The following WARS2 variants were observed in gnomAD, a reference collection of about 807,000 sequenced individuals.
The protein encoded by WARS2 is tryptophanyl tRNA synthetase 2, mitochondrial.
In WARS2, 28 loss-of-function variants were observed where a neutral mutation model predicts 36.5. The observed-to-expected ratio is 0.77, with a 90% CI of 0.57 to 1.05. The LOEUF is 1.05. Ranked by LOEUF, WARS2 falls within the 50% of genes least tolerant of loss-of-function variation. WARS2 has a pLI of 0.00. For missense variants in WARS2, 435 were observed against 456.8 expected (o/e 0.95, Z 0.44); for synonymous variants, 174 against 178.4 (o/e 0.98, Z 0.20).
At chr1:119,105,742 T>C (rs893016455) in intron 1 of WARS2, among the ~76,000 whole-genome samples, 3 of 152,244 alleles carry the variant, frequency 2.0e-5, no homozygotes, top group Admixed American at 6.5e-5. Context: ...CGAAACCCTG[T>C]CTCTACTAAA....
At chr1:119,052,234 ATC>A (rs959363784) in intron 2 of WARS2, among the ~76,000 whole-genome samples, 1 of 152,178 alleles carries the variant, frequency 6.6e-6, no homozygotes, top group African/African-American at 2.4e-5. Context: ...CCTGGATCAA[ATC>A]TCTGTGTCCC....
chr1:119,042,482 G>C (rs1648457987), intron 3 of WARS2, 133 bp from the exon 4 acceptor site: 4 of 734,578 alleles, frequency 5.4e-6, no homozygotes, highest in South Asian at 1.8e-5. Flanking sequence ...TTATACATCG[G>C]TTCCTTTTTA....
At chr1:119,078,973 T>C (rs185882992) in intron 1 of WARS2, among the ~76,000 whole-genome samples, 4 of 151,806 alleles carry the variant, frequency 2.6e-5, no homozygotes, top group Admixed American at 2.0e-4. Context: ...CATATGCATA[T>C]ACAAAATGTG....
At chr1:119,042,201 T>C in intron 4 of WARS2, 63 bp downstream of exon 4, 3 of 1,504,282 alleles carry the variant, frequency 2.0e-6, no homozygotes, top group South Asian at 2.3e-5. Flanking sequence ...CTGTATTGAA[T>C]AGGTTAAAAC....
chr1:119,040,341 T>C lies in WARS2; in HGVS notation c.515+1923A>G, dbSNP rs543242586. ...CCTTCCCATCCTTTGCTTCATGGTA[T>C]CATTAAGAATGTAGTCATTCTTGTT... On this transcript the variant is annotated intron_variant, in intron 4 of 5. Transcript: ENST00000235521. Among the ~76,000 whole-genome samples the C allele has an allele frequency of 6.6e-5, 10 of 152,326 alleles. No homozygotes were observed. The South Asian group carries it at 2.1e-3, about 32-fold the overall frequency.
intron 2 of WARS2, among the ~76,000 whole-genome samples, chr1:119,047,099 T>C (rs1255164392): frequency 3.3e-5 from 5 of 152,182 alleles, no homozygotes; most frequent in Non-Finnish European, 4.4e-5. Context: ...GGCAGTGACA[T>C]TGACACACTG....
At chr1:119,090,045 T>C (rs587705783) in intron 1 of WARS2, among the ~76,000 whole-genome samples, 6 of 151,958 alleles carry the variant, frequency 3.9e-5, no homozygotes, top group African/African-American at 1.5e-4. Flanking sequence ...GACAGGATGA[T>C]CTGTGTAGCA....
chr1:119,054,853 A>G (rs1649643041), intron 2 of WARS2, among the ~76,000 whole-genome samples: 1 of 152,216 alleles, frequency 6.6e-6, no homozygotes, highest in African/African-American at 2.4e-5. Context: ...TGAGTAGTCA[A>G]ACTCATAGAG....
intron 1 of WARS2, among the ~76,000 whole-genome samples, chr1:119,096,439 C>A (rs994130560): frequency 6.6e-6 from 1 of 152,128 alleles, no homozygotes; most frequent in Non-Finnish European, 1.5e-5. Flanking sequence ...GTAAACAATA[C>A]ACTTTCAATT....
chr1:119,050,315 T>G (rs1270711638), intron 2 of WARS2, among the ~76,000 whole-genome samples: 1 of 152,224 alleles, frequency 6.6e-6, no homozygotes, highest in African/African-American at 2.4e-5. Flanking sequence ...TTACCCAAAC[T>G]ACACTGATTG....
chr1:119,126,898 A>AT lies in WARS2; in HGVS notation c.90+13656dup, dbSNP rs1160085287. On this transcript the variant is annotated intron_variant, in intron 1 of 5. Transcript: ENST00000235521. ...GAGGTCTTCCGTACCTGATTGTTGC[A>AT]TTTTTTAGTAAAACCAACACAGAAC... The AT allele has an allele frequency of 5.0e-6, 4 of 798,324 alleles. No homozygotes were observed. In the South Asian group the frequency reaches 5.5e-5, roughly 11 times the overall value. The allele number at this position is 798,324 out of a possible 1,614,324, so 49.5% of individuals were successfully genotyped here. A position where few individuals can be genotyped will look rare whatever the true frequency, so the allele number is the denominator to read the frequency against.
intron 1 of WARS2, among the ~76,000 whole-genome samples, chr1:119,122,723 T>C (rs587596736): frequency 2.8e-4 from 43 of 152,270 alleles, no homozygotes; most frequent in Non-Finnish European, 4.9e-4. Flanking sequence ...GGGAATTAAA[T>C]AATGGCATTC....
chr1:119,135,368 T>C (rs964030672), intron 1 of WARS2, among the ~76,000 whole-genome samples: 1 of 152,198 alleles, frequency 6.6e-6, no homozygotes, highest in Non-Finnish European at 1.5e-5. Flanking sequence ...CCTCTGCTTC[T>C]TAAATCAGAA....
chr1:119,131,458 G>T lies in WARS2; in HGVS notation c.90+9097C>A, dbSNP rs373360422. Among the ~76,000 whole-genome samples the T allele has an allele frequency of 1.2e-3, 160 of 134,238 alleles. 4 individuals carry two copies. The highest frequency in any genetic ancestry group is 3.2e-3 in the East Asian group (16 of 4,966). 88.1% of individuals were successfully genotyped at this position (134,238 alleles called of 152,430 possible). ...GGATCCGGACTGTGCAAAGTTTTTT[G>T]TTTTTTGTTTTTTTTTTTTTTGAGA... On this transcript the variant is annotated intron_variant, in intron 1 of 5. Transcript: ENST00000235521.
At chr1:119,133,473 T>C (rs1411944371) in intron 1 of WARS2, among the ~76,000 whole-genome samples, 2 of 152,238 alleles carry the variant, frequency 1.3e-5, no homozygotes, top group African/African-American at 4.8e-5. Flanking sequence ...GTTTACATTT[T>C]GGTTCTGACA....
At chr1:119,105,379 T>C (rs750414441) in intron 1 of WARS2, among the ~76,000 whole-genome samples, 12 of 152,112 alleles carry the variant, frequency 7.9e-5, no homozygotes, top group Non-Finnish European at 1.3e-4. Context: ...ATCTGATGCA[T>C]AGGGGAGAGT....
At chr1:119,138,017 C>G (rs1372584547) in intron 1 of WARS2, among the ~76,000 whole-genome samples, 1 of 152,152 alleles carries the variant, frequency 6.6e-6, no homozygotes, top group Non-Finnish European at 1.5e-5. Context: ...TGCTTTACAC[C>G]TAAGGGAGTA....
chr1:119,053,466 C>CA (rs1401156426), intron 2 of WARS2, among the ~76,000 whole-genome samples: 3 of 152,134 alleles, frequency 2.0e-5, no homozygotes, highest in Non-Finnish European at 2.9e-5. Flanking sequence ...GCTACCATGA[C>CA]AAAAAATAAG....
chr1:119,066,426 T>C (rs759434912), intron 2 of WARS2, among the ~76,000 whole-genome samples: 12 of 136,906 alleles, frequency 8.8e-5, no homozygotes, highest in East Asian at 8.5e-4. Flanking sequence ...TGCAGTGAGC[T>C]GAGATCATGC....
Sources: allele counts gnomAD v4.1 joint callset (sites outside exome capture counted in the v4.1 genomes callset), GRCh38; gene constraint gnomAD v4.1.1; transcripts MANE v1.5; gene names NCBI Gene and HGNC (gene_info 2026-07-23, HGNC 2026-07-21).